The following CSRNP3 variants were observed in gnomAD, a reference collection of about 807,000 sequenced individuals.
CSRNP3 encodes the protein cysteine and serine rich nuclear protein 3, also known as cysteine/serine-rich nuclear protein 3.
CSRNP3 carries 12 observed loss-of-function variants against 48.0 expected under a neutral mutation model. The observed-to-expected ratio is 0.25, with a 90% confidence interval of 0.16 to 0.41. CSRNP3 has a LOEUF of 0.41. CSRNP3 is among the 10% of genes least tolerant of loss of function. CSRNP3 has a pLI of 1.00. For missense variants in CSRNP3, 580 were observed against 724.4 expected, an observed-to-expected ratio of 0.80 and a Z score of 2.29; for synonymous variants, 263 against 269.7, an observed-to-expected ratio of 0.98 and a Z score of 0.24.
At chr2:165,477,858 T>A (rs1326789991) in intron 1 of CSRNP3, among the ~76,000 whole-genome samples, 1 of 151,994 alleles carries the variant, frequency 6.6e-6, no homozygotes, top group Non-Finnish European at 1.5e-5. Context: ...GTGCCTTCAG[T>A]CCCAGCTACC....
rs1159941595 is a variant in CSRNP3 at position 165,681,726 on chromosome 2, C to CATATATATATATATATATAT, written c.*1989_*2008dup. 3 of 93,690 alleles carry CATATATATATATATATATAT rather than the reference C, an allele frequency of 3.2e-5. No individual in the cohort carries two copies. The highest frequency in any genetic ancestry group is 4.4e-4 in the South Asian group (1 of 2,276). The allele number at this position is 93,690 out of a possible 1,614,324, so 5.8% of individuals were successfully genotyped here. A position where few individuals can be genotyped will look rare whatever the true frequency, so the allele number is the denominator to read the frequency against. On this transcript the variant is annotated 3_prime_UTR_variant, in exon 7 of 7. Transcript: ENST00000651982. ...AGGATTTGTTGAAATCTCAAATATA[C>CATATATATATATATATATAT]ATATATATATATATATATATATATA...
At chr2:165,471,676 C>T (rs1683895990) in intron 1 of CSRNP3, among the ~76,000 whole-genome samples, 2 of 151,942 alleles carry the variant, frequency 1.3e-5, no homozygotes, top group African/African-American at 4.8e-5. Context: ...TTTATAATTT[C>T]CTTAATGGTT....
intron 1 of CSRNP3, among the ~76,000 whole-genome samples, chr2:165,482,265 CTTT>C (rs5836042): frequency 7.0e-6 from 1 of 143,282 alleles, no homozygotes. Flanking sequence ...AAGAGATGTG[CTTT>C]TTTTTTTTTT....
In CSRNP3 at chr2:165,679,433, T is replaced by G. The variant is rs1423852979; in HGVS notation, c.1438T>G (p.Tyr480Asp). ...YTMTPEQFVD[Y>D]ARQAEEAYGA... ...CATGACCCCGGAGCAATTCGTTGAC[T>G]ATGCCCGACAAGCAGAAGAGGCCTA... The change falls in exon 7 of 7, where the codon TAT (tyrosine) becomes GAT (aspartate). Residue 480 changes from tyrosine (Y) to aspartate (D), a missense_variant. By Grantham distance (160) the Tyr-to-Asp change is radical. Transcript: ENST00000651982. 6.2e-7 allele frequency: 1 copy of G among 1,612,928 alleles called. No homozygotes were observed. Among genetic ancestry groups the G allele is most frequent in the African/African-American group, 1.3e-5 (1 of 74,670 alleles).
chr2:165,556,471 A>C (rs1032699174), intron 3 of CSRNP3, among the ~76,000 whole-genome samples: 1 of 152,170 alleles, frequency 6.6e-6, no homozygotes, highest in Non-Finnish European at 1.5e-5. Flanking sequence ...CAAGGCAAAC[A>C]GAAGGGGAGC....
chr2:165,606,549 C>T (rs1477818943), intron 4 of CSRNP3, among the ~76,000 whole-genome samples: 1 of 151,880 alleles, frequency 6.6e-6, no homozygotes, highest in African/African-American at 2.4e-5. Context: ...TTGAAAATAC[C>T]ATGTATTGAC....
At position 165,679,919 on chromosome 2, in the gene CSRNP3, A is replaced by T. The variant is rs575661674; in HGVS notation, c.*166A>T. On this transcript the variant is annotated 3_prime_UTR_variant, in exon 7 of 7. Coordinates refer to ENST00000651982, the MANE Select transcript of CSRNP3 (RefSeq NM_001172173.2). ...TCCTTTCTAGCCACATGACTGTGGC[A>T]TTGCACAAATACAGTCTCTGTAGGG... 5.6e-6 allele frequency: 5 copies of T among 897,058 alleles called. No individual in the cohort carries two copies. The highest frequency in any genetic ancestry group is 6.8e-6 in the Non-Finnish European group (4 of 591,510). The allele number at this position is 897,058 out of a possible 1,614,324, so 55.6% of individuals were successfully genotyped here.
intron 1 of CSRNP3, among the ~76,000 whole-genome samples, chr2:165,485,530 TC>T (rs1460233062): frequency 6.6e-6 from 1 of 152,180 alleles, no homozygotes; most frequent in African/African-American, 2.4e-5. Context: ...TTACGTTAGG[TC>T]TATAAGTGAG....
At position 165,615,066 on chromosome 2, in the gene CSRNP3, G is replaced by C. The variant is rs921979799; in HGVS notation, c.148+19853G>C. ...TGGATTTAATGATCTGTAAATGTCT[G>C]TTATTGTCATTTGGTCTATACTGAA... On this transcript the variant is annotated intron_variant, in intron 4 of 6. Coordinates refer to ENST00000651982, the MANE Select transcript of CSRNP3 (RefSeq NM_001172173.2). Among the ~76,000 whole-genome samples the C allele has an allele frequency of 2.6e-5, 4 of 152,132 alleles. No homozygotes were observed. The East Asian group carries it at 5.8e-4, about 22-fold the overall frequency.
intron 4 of CSRNP3, among the ~76,000 whole-genome samples, chr2:165,625,182 T>C (rs959690838): frequency 6.6e-5 from 10 of 152,168 alleles, no homozygotes; most frequent in African/African-American, 2.4e-4. Context: ...ATTCAGTAAG[T>C]ATTTACTGAG....
intron 1 of CSRNP3, among the ~76,000 whole-genome samples, chr2:165,479,408 A>G (rs533688798): frequency 2.6e-5 from 4 of 152,206 alleles, no homozygotes; most frequent in African/African-American, 9.6e-5. Context: ...CTCTAAAACT[A>G]CCTGTGTGAC....
At chr2:165,521,072 T>C (rs1684654996) in intron 3 of CSRNP3, among the ~76,000 whole-genome samples, 1 of 151,030 alleles carries the variant, frequency 6.6e-6, no homozygotes, top group Admixed American at 6.6e-5. Context: ...TTAACCAAAG[T>C]AGAGAGTGTT....
At chr2:165,496,672 C>CT (rs1055698747) in intron 2 of CSRNP3, among the ~76,000 whole-genome samples, 10 of 151,788 alleles carry the variant, frequency 6.6e-5, no homozygotes, top group African/African-American at 9.7e-5. Flanking sequence ...ATTTCTCAAT[C>CT]TTTTTTTTCC....
At chr2:165,663,579 T>C (rs1316048242) in intron 5 of CSRNP3, among the ~76,000 whole-genome samples, 1 of 152,228 alleles carries the variant, frequency 6.6e-6, no homozygotes, top group East Asian at 1.9e-4. Context: ...ATTGTTGGTG[T>C]TTTAGTTTAA....
At chr2:165,647,546 A>T (rs560449637) in intron 4 of CSRNP3, among the ~76,000 whole-genome samples, 3 of 152,224 alleles carry the variant, frequency 2.0e-5, no homozygotes, top group South Asian at 4.1e-4. Flanking sequence ...GATAACATTG[A>T]TCAAAATTCT....
In CSRNP3 at chr2:165,594,926, G is replaced by A. The variant is rs1685784608; in HGVS notation, c.-23-117G>A. Reference sequence around the variant, plus strand: ...AAAATCTGCTAAAGATCCTTTCAAGGGAAAGCTATAGCTCAGCTCATGTAT... The same window carrying A: ...AAAATCTGCTAAAGATCCTTTCAAGAGAAAGCTATAGCTCAGCTCATGTAT... On this transcript the variant is annotated intron_variant, in intron 3 of 6. Coordinates refer to ENST00000651982, the MANE Select transcript of CSRNP3 (RefSeq NM_001172173.2). 5.6e-6 allele frequency: 4 copies of A among 710,356 alleles called. No individual in the cohort carries two copies. The African/African-American group carries it at 7.1e-5, about 13-fold the overall frequency. 44.0% of individuals were successfully genotyped at this position (710,356 alleles called of 1,614,324 possible).
chr2:165,580,171 G>A (rs558905594), intron 3 of CSRNP3, among the ~76,000 whole-genome samples: 2 of 152,046 alleles, frequency 1.3e-5, no homozygotes, highest in African/African-American at 2.4e-5. Context: ...CTCGTGATCC[G>A]CCTGACTCTA....
chr2:165,537,255 T>C (rs1189767178), intron 3 of CSRNP3, among the ~76,000 whole-genome samples: 2 of 150,548 alleles, frequency 1.3e-5, no homozygotes, highest in African/African-American at 2.4e-5. Flanking sequence ...AAAGGAAGGG[T>C]GAAAGAAGCT....
At chr2:165,505,632 T>A (rs556090696) in intron 2 of CSRNP3, among the ~76,000 whole-genome samples, 23 of 152,296 alleles carry the variant, frequency 1.5e-4, no homozygotes, top group African/African-American at 5.5e-4. Flanking sequence ...AATCAAGGAA[T>A]ACAACTGGCT....
Sources: gnomAD v4.1 joint callset for allele counts (sites outside exome capture counted in the v4.1 genomes callset) on GRCh38, gnomAD v4.1.1 for gene constraint, MANE v1.5 for transcripts, NCBI Gene and HGNC (gene_info 2026-07-23, HGNC 2026-07-21) for gene names.